UBE2H: variants seen among roughly 807,000 people sequenced by gnomAD.
The protein encoded by UBE2H is ubiquitin conjugating enzyme E2 H, also known as ubiquitin-conjugating enzyme E2 H.
Under a neutral mutation model 29.0 loss-of-function variants are expected in UBE2H, and 3 were observed. That is an observed-to-expected ratio of 0.10 (90% CI 0.05 to 0.27). UBE2H has a LOEUF of 0.27. Among genes scored for constraint, UBE2H ranks in the 10% least tolerant of loss-of-function variants. The probability of loss-of-function intolerance (pLI) is 1.00; values close to 1 mark genes in which losing one functional copy is unlikely to be tolerated. For missense variants in UBE2H, 68 were observed against 228.2 expected (o/e 0.30, Z 4.52); for synonymous variants, 69 against 82.9 (o/e 0.83, Z 0.91).
intron 1 of UBE2H, among the ~76,000 whole-genome samples, chr7:129,942,212 CAAAAAAAAA>C (rs966117564): frequency 2.7e-5 from 1 of 36,750 alleles, no homozygotes; most frequent in African/African-American, 1.2e-4. Context: ...GACTCGGTCT[CAAAAAAAAA>C]AAAAAAAAAA....
At chr7:129,909,673 T>C (rs1233854243) in intron 1 of UBE2H, among the ~76,000 whole-genome samples, 1 of 152,026 alleles carries the variant, frequency 6.6e-6, no homozygotes, top group Non-Finnish European at 1.5e-5. Flanking sequence ...CTAGACAACA[T>C]AATGAGACCC....
chr7:129,906,803 A>G (rs936888998), intron 1 of UBE2H, among the ~76,000 whole-genome samples: 9 of 152,202 alleles, frequency 5.9e-5, no homozygotes, highest in African/African-American at 2.2e-4. Flanking sequence ...AGTGCAATAA[A>G]GCTGGTTGAG....
At chr7:129,950,016 G>A (rs536566530) in intron 1 of UBE2H, among the ~76,000 whole-genome samples, 1 of 152,228 alleles carries the variant, frequency 6.6e-6, no homozygotes, top group Non-Finnish European at 1.5e-5. Flanking sequence ...TTAGTAGAGG[G>A]CTGGGGAATT....
At chr7:129,923,800 A>G (rs1807211915) in intron 1 of UBE2H, among the ~76,000 whole-genome samples, 1 of 152,224 alleles carries the variant, frequency 6.6e-6, no homozygotes, top group Non-Finnish European at 1.5e-5. Flanking sequence ...TGTATTCCAC[A>G]TGAAAAACAA....
At chr7:129,865,973 T>C (rs1805896815) in intron 3 of UBE2H, among the ~76,000 whole-genome samples, 1 of 152,154 alleles carries the variant, frequency 6.6e-6, no homozygotes, top group Non-Finnish European at 1.5e-5. Context: ...GCTCCACTAG[T>C]GACAGACATT....
At chr7:129,871,740 A>T (rs1806038698) in intron 3 of UBE2H, among the ~76,000 whole-genome samples, 1 of 151,172 alleles carries the variant, frequency 6.6e-6, no homozygotes, top group South Asian at 2.1e-4. Flanking sequence ...GATATAGATC[A>T]CTACAGAGTA....
chr7:129,930,080 T>C (rs1807357007), intron 1 of UBE2H, among the ~76,000 whole-genome samples: 1 of 152,220 alleles, frequency 6.6e-6, no homozygotes, highest in Non-Finnish European at 1.5e-5. Flanking sequence ...CATCCTAGAC[T>C]TTATCATAAT....
intron 3 of UBE2H, among the ~76,000 whole-genome samples, chr7:129,864,404 T>G (rs1805857858): frequency 6.6e-6 from 1 of 152,222 alleles, no homozygotes; most frequent in Non-Finnish European, 1.5e-5. Flanking sequence ...AACACTTGTT[T>G]CCATTAGACC....
rs1403895347 is a variant in UBE2H, at chr7:129,833,190, G to A, written c.*1747C>T. The A allele has an allele frequency of 6.6e-6, 1 of 151,940 alleles. No homozygotes were observed. Among genetic ancestry groups the A allele is most frequent in the Non-Finnish European group, 1.5e-5 (1 of 67,964 alleles). 9.4% of individuals were successfully genotyped at this position (151,940 alleles called of 1,614,324 possible). A position where few individuals can be genotyped will look rare whatever the true frequency, so the allele number is the denominator to read the frequency against. On this transcript the variant is annotated 3_prime_UTR_variant, in exon 7 of 7. Transcript: ENST00000355621. Reference sequence around the variant, plus strand: ...TCTTTTTATTTAGGAAAATAATCATGCTAAAAGCAAGTTGTACTTTATATA... The same window carrying A: ...TCTTTTTATTTAGGAAAATAATCATACTAAAAGCAAGTTGTACTTTATATA...
At chr7:129,892,463 G>C (rs768627422) in intron 1 of UBE2H, among the ~76,000 whole-genome samples, 1 of 150,208 alleles carries the variant, frequency 6.7e-6, no homozygotes, top group Non-Finnish European at 1.5e-5. Context: ...TATTGTCCAG[G>C]CTGGTCTCAA....
chr7:129,941,945 T>TC (rs141997062), intron 1 of UBE2H, among the ~76,000 whole-genome samples: 19,469 of 152,120 alleles, frequency 0.13, 1,575 homozygotes, highest in East Asian at 0.3. Context: ...GCACAGTGGC[T>TC]ACCCCTGTAA....
intron 1 of UBE2H, among the ~76,000 whole-genome samples, chr7:129,921,689 T>C (rs1271399525): frequency 8.2e-6 from 1 of 121,336 alleles, no homozygotes; most frequent in Non-Finnish European, 1.7e-5. Context: ...CAAGAGACTC[T>C]GTCACAAAAA....
At chr7:129,911,834 T>C (rs1381556909) in intron 1 of UBE2H, among the ~76,000 whole-genome samples, 1 of 151,986 alleles carries the variant, frequency 6.6e-6, no homozygotes, top group Non-Finnish European at 1.5e-5. Flanking sequence ...GTAGGGACGA[T>C]GTCTTGATAT....
chr7:129,907,825 A>C (rs1806851337), intron 1 of UBE2H, among the ~76,000 whole-genome samples: 1 of 152,242 alleles, frequency 6.6e-6, no homozygotes, highest in Non-Finnish European at 1.5e-5. Flanking sequence ...ACAAAGATAA[A>C]GACAAGAATA....
chr7:129,837,734 G>A (rs1805356996), intron 6 of UBE2H, among the ~76,000 whole-genome samples: 1 of 152,094 alleles, frequency 6.6e-6, no homozygotes, highest in Non-Finnish European at 1.5e-5. Context: ...CAGGAGGGAA[G>A]GGAGAAGATA....
intron 3 of UBE2H, among the ~76,000 whole-genome samples, chr7:129,866,264 T>C (rs1805902558): frequency 6.6e-6 from 1 of 152,148 alleles, no homozygotes; most frequent in Admixed American, 6.5e-5. Context: ...TCTTCCTTTC[T>C]CTCTGGTAAT....
chr7:129,877,612 C>G (rs1322368495), intron 3 of UBE2H, among the ~76,000 whole-genome samples: 1 of 152,120 alleles, frequency 6.6e-6, no homozygotes, highest in Non-Finnish European at 1.5e-5. Flanking sequence ...ATTATCAAGT[C>G]CTGAAAGCAC....
intron 1 of UBE2H, among the ~76,000 whole-genome samples, chr7:129,903,270 GTATT>G (rs1806753204): frequency 6.6e-6 from 1 of 152,158 alleles, no homozygotes; most frequent in South Asian, 2.1e-4. Flanking sequence ...TAAATGAACA[GTATT>G]TATTTCAACA....
chr7:129,939,890 C>T (rs1430169092), intron 1 of UBE2H, among the ~76,000 whole-genome samples: 5 of 151,392 alleles, frequency 3.3e-5, no homozygotes, highest in African/African-American at 9.7e-5. Context: ...ACCTGAGAGG[C>T]GGAGATTGCA....
Sources: gnomAD v4.1 joint callset for allele counts (sites outside exome capture counted in the v4.1 genomes callset) on GRCh38, gnomAD v4.1.1 for gene constraint, MANE v1.5 for transcripts, NCBI Gene and HGNC (gene_info 2026-07-23, HGNC 2026-07-21) for gene names.